Variants in PDS5B observed in about 807,000 individuals in gnomAD.
PDS5B encodes PDS5 cohesin associated factor B.
PDS5B carries 51 observed loss-of-function variants against 184.1 expected under a neutral mutation model. The observed-to-expected ratio is 0.28, with a 90% CI of 0.22 to 0.35. The LOEUF (loss-of-function observed/expected upper bound fraction) is 0.35. PDS5B is among the 10% of genes least tolerant of loss of function. The probability of loss-of-function intolerance (pLI) is 1.00; values close to 1 mark genes in which losing one functional copy is unlikely to be tolerated. For missense variants in PDS5B, 1,180 were observed against 1,723.3 expected (o/e 0.68, Z 5.58); for synonymous variants, 566 against 569.2 (o/e 0.99, Z 0.08).
rs773507763 is a variant in PDS5B, at chr13:32,687,123, T to C, written c.1204-11T>C. 6.3e-7 allele frequency: 1 copy of C among 1,578,460 alleles called. No individual in the cohort carries two copies. ...CTTTTTACATTATAAATAAAACTTTTTGTTTTTAAGTGGAGAGTACGCAAA... is the reference window on the plus strand; with the variant it reads ...CTTTTTACATTATAAATAAAACTTTCTGTTTTTAAGTGGAGAGTACGCAAA... On this transcript the variant is annotated splice_polypyrimidine_tract_variant and intron_variant, in intron 11 of 34. Coordinates refer to ENST00000315596, the MANE Select transcript of PDS5B (RefSeq NM_015032.4).
At chr13:32,713,247 A>T (rs1025609279) in intron 19 of PDS5B, among the ~76,000 whole-genome samples, 1 of 152,234 alleles carries the variant, frequency 6.6e-6, no homozygotes, top group Non-Finnish European at 1.5e-5. Flanking sequence ...AATTTTTTAA[A>T]GAAGTGTTCA....
At chr13:32,701,861 A>G (rs1430149366) in intron 17 of PDS5B, among the ~76,000 whole-genome samples, 1 of 152,146 alleles carries the variant, frequency 6.6e-6, no homozygotes, top group Admixed American at 6.5e-5. Context: ...AACAAATGAT[A>G]CATTTTCACA....
At chr13:32,701,222 C>A in intron 16 of PDS5B, 101 bp from the exon 17 acceptor site, 1 of 601,334 alleles carries the variant, frequency 1.7e-6, no homozygotes. Flanking sequence ...TTTATTCCAG[C>A]GTCAGTACTA....
chr13:32,593,647 C>G (rs1156747006), intron 1 of PDS5B, among the ~76,000 whole-genome samples: 1 of 152,130 alleles, frequency 6.6e-6, no homozygotes, highest in Non-Finnish European at 1.5e-5. Flanking sequence ...GGCCTCCATT[C>G]TGTATTCTTA....
At chr13:32,771,455 G>A (rs1001101521) in intron 33 of PDS5B, among the ~76,000 whole-genome samples, 1 of 152,144 alleles carries the variant, frequency 6.6e-6, no homozygotes, top group African/African-American at 2.4e-5. Flanking sequence ...TGGAAATAGA[G>A]TAGCATGTCT....
intron 17 of PDS5B, among the ~76,000 whole-genome samples, chr13:32,702,758 T>G (rs78401596): frequency 6.6e-6 from 1 of 152,166 alleles, no homozygotes; most frequent in Non-Finnish European, 1.5e-5. Flanking sequence ...AAAACTGTTA[T>G]GAGATGATCC....
At chr13:32,606,468 A>G (rs904207331) in intron 1 of PDS5B, among the ~76,000 whole-genome samples, 3 of 152,140 alleles carry the variant, frequency 2.0e-5, no homozygotes, top group African/African-American at 7.2e-5. Flanking sequence ...CTTTGTGGGT[A>G]ACCAGACCTT....
intron 19 of PDS5B, among the ~76,000 whole-genome samples, chr13:32,725,464 G>C (rs776111402): frequency 6.6e-6 from 1 of 151,976 alleles, no homozygotes; most frequent in Non-Finnish European, 1.5e-5. Context: ...TCTTGCACTT[G>C]TTCTGCCCCA....
chr13:32,597,378 G>C (rs2057893813), intron 1 of PDS5B, among the ~76,000 whole-genome samples: 1 of 151,796 alleles, frequency 6.6e-6, no homozygotes, highest in South Asian at 2.1e-4. Flanking sequence ...TGCAGCATCT[G>C]GGATCTTCAA....
At chr13:32,594,858 T>C (rs2057834055) in intron 1 of PDS5B, among the ~76,000 whole-genome samples, 1 of 152,180 alleles carries the variant, frequency 6.6e-6, no homozygotes, top group Admixed American at 6.5e-5. Flanking sequence ...GATACCAATA[T>C]ATGGTCTTAC....
At chr13:32,727,839 G>A (rs951660854) in intron 19 of PDS5B, among the ~76,000 whole-genome samples, 15 of 151,558 alleles carry the variant, frequency 9.9e-5, no homozygotes, top group African/African-American at 3.4e-4. Context: ...AAAAAAATTG[G>A]CCATTATTAT....
In PDS5B at chr13:32,678,850, T is replaced by C. The variant is rs1426332963; in HGVS notation, c.978T>C (p.His326=). 6 of 1,595,952 alleles carry C rather than the reference T, an allele frequency of 3.8e-6. No individual in the cohort carries two copies. Among genetic ancestry groups the C allele is most frequent in the Admixed American group, 1.7e-5 (1 of 60,010 alleles). Residue 326 remains histidine (H), a synonymous_variant, in exon 10 of 35, where the codon CAT becomes CAC. Transcript: ENST00000315596. ...QCYLGRFNDI[H]VPIRLECVKF... ...ATTTTATCAGGTTTAATGATATCCA[T>C]GTACCAATCCGCCTGGAATGTGTGA...
chr13:32,717,133 G>A (rs1201695793), intron 19 of PDS5B, among the ~76,000 whole-genome samples: 5 of 151,746 alleles, frequency 3.3e-5, no homozygotes, highest in East Asian at 2.0e-4. Context: ...CTGCCCGGCC[G>A]CCCCTACTGG....
chr13:32,760,455 A>G (rs752462752), intron 29 of PDS5B, 120 bp from the exon 30 acceptor site: 6 of 874,334 alleles, frequency 6.9e-6, no homozygotes, highest in Non-Finnish European at 1.1e-5. Context: ...GCTTAAGGAT[A>G]GACACATTTT....
At chr13:32,709,181 A>G (rs1952121741) in intron 18 of PDS5B, among the ~76,000 whole-genome samples, 1 of 151,836 alleles carries the variant, frequency 6.6e-6, no homozygotes, top group Non-Finnish European at 1.5e-5. Context: ...TTTTTTTTAC[A>G]TTCCACATTT....
At chr13:32,635,368 G>A (rs1232842124) in intron 1 of PDS5B, among the ~76,000 whole-genome samples, 9 of 119,790 alleles carry the variant, frequency 7.5e-5, no homozygotes, top group South Asian at 5.3e-4. Flanking sequence ...TTTTAAAGAC[G>A]GAGTCTTGCT....
intron 1 of PDS5B, among the ~76,000 whole-genome samples, chr13:32,628,778 AT>A (rs57099328): frequency 0.36 from 54,129 of 151,754 alleles, 10,323 homozygotes; most frequent in Non-Finnish European, 0.44. Context: ...ACACTGTTAT[AT>A]TTTTTTCTTT....
intron 21 of PDS5B, among the ~76,000 whole-genome samples, chr13:32,738,737 T>C (rs1191162767): frequency 6.6e-6 from 1 of 152,128 alleles, no homozygotes; most frequent in African/African-American, 2.4e-5. Flanking sequence ...AGTGGCGCCA[T>C]CTCGGCTCCC....
intron 1 of PDS5B, among the ~76,000 whole-genome samples, chr13:32,642,190 G>A (rs1950113528): frequency 6.6e-6 from 1 of 152,082 alleles, no homozygotes; most frequent in African/African-American, 2.4e-5. Flanking sequence ...AATTTCTCCT[G>A]TGTCTAGCTC....
Sources: allele counts gnomAD v4.1 joint callset (sites outside exome capture counted in the v4.1 genomes callset), GRCh38; gene constraint gnomAD v4.1.1; transcripts MANE v1.5; gene names NCBI Gene and HGNC (gene_info 2026-07-23, HGNC 2026-07-21).